The following EBF1 variants were observed in gnomAD, a reference collection of about 807,000 sequenced individuals.
EBF1 encodes the protein transcription factor COE1.
A neutral mutation model predicts 68.4 loss-of-function variants in EBF1; 10 were observed. The ratio of observed to expected loss-of-function variants is 0.15; its 90% CI spans 0.09 to 0.25. The LOEUF (loss-of-function observed/expected upper bound fraction) is 0.25. Among genes scored for constraint, EBF1 ranks in the 10% least tolerant of loss-of-function variants. The pLI is 1.00. For missense variants in EBF1, 509 were observed against 794.4 expected (o/e 0.64, Z 4.32); for synonymous variants, 298 against 299.8 (o/e 0.99, Z 0.06).
At chr5:159,018,101 T>C (rs1391543463) in intron 6 of EBF1, among the ~76,000 whole-genome samples, 1 of 150,336 alleles carries the variant, frequency 6.7e-6, no homozygotes, top group Non-Finnish European at 1.5e-5. Context: ...TCCCTCACAC[T>C]GGACATTTAA....
intron 10 of EBF1, among the ~76,000 whole-genome samples, chr5:158,741,721 G>C (rs140699484): frequency 5.9e-4 from 89 of 152,114 alleles, no homozygotes; most frequent in African/African-American, 2.1e-3. Flanking sequence ...AAGTTTGTAG[G>C]GACACCTTGG....
intron 15 of EBF1, among the ~76,000 whole-genome samples, chr5:158,705,376 G>A (rs1757654195): frequency 6.6e-6 from 1 of 152,198 alleles, no homozygotes. Flanking sequence ...CAATCAGAAG[G>A]AAAGGGCAGT....
chr5:158,762,095 C>A (rs1771596823), intron 10 of EBF1, among the ~76,000 whole-genome samples: 1 of 152,040 alleles, frequency 6.6e-6, no homozygotes. Flanking sequence ...CAATTTATAC[C>A]TCAACCCCCA....
At chr5:158,831,356 G>C (rs1443249009) in intron 7 of EBF1, among the ~76,000 whole-genome samples, 1 of 152,158 alleles carries the variant, frequency 6.6e-6, no homozygotes, top group East Asian at 1.9e-4. Flanking sequence ...AATCTTAGAT[G>C]AGTCACTTAG....
At chr5:158,793,347 A>C (rs1326214924) in intron 9 of EBF1, among the ~76,000 whole-genome samples, 1 of 152,204 alleles carries the variant, frequency 6.6e-6, no homozygotes, top group East Asian at 1.9e-4. Context: ...AATGGCCTCA[A>C]ACTTGGTTAA....
intron 6 of EBF1, among the ~76,000 whole-genome samples, chr5:158,992,155 A>G (rs1446276522): frequency 6.6e-6 from 1 of 152,106 alleles, no homozygotes; most frequent in Admixed American, 6.5e-5. Flanking sequence ...ACCATGAAGC[A>G]ACAGCTTATT....
At chr5:158,930,566 T>A (rs1263154820) in intron 6 of EBF1, among the ~76,000 whole-genome samples, 1 of 152,224 alleles carries the variant, frequency 6.6e-6, no homozygotes, top group Non-Finnish European at 1.5e-5. Context: ...AAGAATGGGA[T>A]ACTTTGGATA....
intron 6 of EBF1, among the ~76,000 whole-genome samples, chr5:158,853,289 G>A (rs1190051987): frequency 3.3e-5 from 5 of 152,190 alleles, no homozygotes; most frequent in Admixed American, 6.5e-5. Flanking sequence ...GCCAGTCAGA[G>A]TATCATAACC....
At chr5:158,906,515 G>A (rs1804665255) in intron 6 of EBF1, among the ~76,000 whole-genome samples, 1 of 152,176 alleles carries the variant, frequency 6.6e-6, no homozygotes, top group Non-Finnish European at 1.5e-5. Flanking sequence ...GAAGGAACAG[G>A]CAGGTGCAGG....
At chr5:158,819,469 A>C (rs1784399986) in intron 8 of EBF1, among the ~76,000 whole-genome samples, 1 of 152,250 alleles carries the variant, frequency 6.6e-6, no homozygotes, top group Non-Finnish European at 1.5e-5. Flanking sequence ...AGAGAAACTG[A>C]TGCCACAGTT....
intron 6 of EBF1, among the ~76,000 whole-genome samples, chr5:158,911,262 C>T (rs941147520): frequency 6.6e-6 from 1 of 152,202 alleles, no homozygotes; most frequent in Admixed American, 6.5e-5. Flanking sequence ...CTTCAGCGTA[C>T]TCTTTCAACA....
At chr5:158,773,195 TAA>T (rs1207084929) in intron 10 of EBF1, among the ~76,000 whole-genome samples, 1 of 151,786 alleles carries the variant, frequency 6.6e-6, no homozygotes, top group African/African-American at 2.4e-5. Context: ...ACGGAAAACT[TAA>T]AAGTCATAGT....
chr5:158,802,991 A>G (rs1255702116), intron 8 of EBF1, among the ~76,000 whole-genome samples: 1 of 152,116 alleles, frequency 6.6e-6, no homozygotes, highest in Non-Finnish European at 1.5e-5. Flanking sequence ...ATATCCAACT[A>G]AATGTACTGA....
chr5:158,697,221 C>CATT lies in EBF1; in HGVS notation c.*1887_*1889dup, dbSNP rs1755909893. On this transcript the variant is annotated 3_prime_UTR_variant, in exon 16 of 16. Coordinates refer to ENST00000313708, the MANE Select transcript of EBF1 (RefSeq NM_024007.5). ...TTGTAAGCTTCCAAAGCAAAGGATA[C>CATT]ATTTTTTTTTAAATCTACTGAACTA... 3 of 190,200 alleles carry CATT rather than the reference C, an allele frequency of 1.6e-5. No homozygotes were observed. In the South Asian group the frequency reaches 5.8e-4, roughly 37 times the overall value. The allele number at this position is 190,200 out of a possible 1,614,324, so 11.8% of individuals were successfully genotyped here.
chr5:159,041,421 TA>T (rs1771179021), intron 6 of EBF1, among the ~76,000 whole-genome samples: 1 of 152,188 alleles, frequency 6.6e-6, no homozygotes, highest in Non-Finnish European at 1.5e-5. Context: ...TTCTTACGTT[TA>T]AAAAAATAAA....
At chr5:158,966,639 T>A (rs1466888586) in intron 6 of EBF1, among the ~76,000 whole-genome samples, 1 of 152,210 alleles carries the variant, frequency 6.6e-6, no homozygotes, top group Non-Finnish European at 1.5e-5. Flanking sequence ...ACATATTCTT[T>A]TTCCTGTACC....
chr5:158,721,448 A>G (rs141928331), intron 11 of EBF1, among the ~76,000 whole-genome samples: 107 of 152,336 alleles, frequency 7.0e-4, no homozygotes, highest in South Asian at 2.9e-3. Context: ...TGAAAGTGAA[A>G]TGAACAAGAG....
At chr5:158,823,130 TCA>T (rs1785217550) in intron 8 of EBF1, 44 bp downstream of exon 8, 1 of 1,613,000 alleles carries the variant, frequency 6.2e-7, no homozygotes, top group African/African-American at 1.3e-5. Context: ...CCAAATATAT[TCA>T]CAGTTAAAGT....
rs540034145 is a variant in EBF1 at position 158,832,797 on chromosome 5, A to T, written c.636+7232T>A. Among the ~76,000 whole-genome samples the T allele has an allele frequency of 2.0e-5, 3 of 152,210 alleles. No homozygotes were observed. The South Asian group carries it at 6.2e-4, about 32-fold the overall frequency. On this transcript the variant is annotated intron_variant, in intron 7 of 15. Transcript: ENST00000313708. ...AGCAAAGATTCTCCAAAATTTCTAG[A>T]ATTTACTTGAAAAGGCAGGGAGTTG...
Sources: allele counts gnomAD v4.1 joint callset (sites outside exome capture counted in the v4.1 genomes callset), GRCh38; gene constraint gnomAD v4.1.1; transcripts MANE v1.5; gene names NCBI Gene and HGNC (gene_info 2026-07-23, HGNC 2026-07-21).